MCF2L: variants seen among roughly 807,000 people sequenced by gnomAD.
The protein encoded by MCF2L is MCF.2 cell line derived transforming sequence like, also known as guanine nucleotide exchange factor DBS.
MCF2L carries 97 observed loss-of-function variants against 153.4 expected under a neutral mutation model. The ratio of observed to expected loss-of-function variants is 0.63; its 90% confidence interval spans 0.54 to 0.75. MCF2L has a LOEUF of 0.75. Ranked by LOEUF, MCF2L falls within the 30% of genes least tolerant of loss-of-function variation. The pLI, the probability that MCF2L is intolerant of heterozygous loss-of-function variation, is 0.00. For synonymous variants in MCF2L, 659 were observed against 632.2 expected (o/e 1.04, Z -0.64); for missense variants, 1,347 against 1,495.2 (o/e 0.90, Z 1.64).
At chr13:112,954,072 G>A (rs1395341120) in intron 2 of MCF2L, among the ~76,000 whole-genome samples, 3 of 152,212 alleles carry the variant, frequency 2.0e-5, no homozygotes, top group African/African-American at 7.2e-5. Context: ...GCCTGATGTT[G>A]CGAAGTGAGG....
chr13:113,053,373 GC>G lies in MCF2L; in HGVS notation c.370-7219del, dbSNP rs758317495. On this transcript the variant is annotated intron_variant, in intron 4 of 29. Transcript: ENST00000535094. The surrounding 1 kb of genome is among the most constrained non-coding windows in gnomAD (Gnocchi z 4.4). The stretch of plus-strand genomic sequence containing the variant: ...GATTTGCGAAGGGTTGAAGCCAGTT[GC>G]TTTATGGAATATCCTTTCATCTGGT... 2.0e-5 allele frequency among the ~76,000 whole-genome samples: 3 copies of G among 152,218 alleles called. No individual in the cohort carries two copies. Among genetic ancestry groups the G allele is most frequent in the Non-Finnish European group, 4.4e-5 (3 of 68,038 alleles).
At chr13:112,902,335 G>T in exon 2 of MCF2L, 1 of 1,612,900 alleles carries the variant, frequency 6.2e-7, no homozygotes, top group Non-Finnish European at 8.5e-7. Context: ...CATCAGGCTT[G>T]TTCAAGACAC....
chr13:112,939,657 AG>A (rs2081555453), intron 2 of MCF2L, among the ~76,000 whole-genome samples: 1 of 152,150 alleles, frequency 6.6e-6, no homozygotes, highest in African/African-American at 2.4e-5. Flanking sequence ...TGTGCAGCAG[AG>A]GGAGAGACAC....
intron 18 of MCF2L, 48 bp from the exon 19 acceptor site, chr13:113,084,844 C>T (rs1000701589): frequency 9.8e-6 from 14 of 1,427,864 alleles, no homozygotes; most frequent in Admixed American, 1.7e-5. Context: ...CCGCGTGATG[C>T]GCTGCCCATC....
Position 113,046,049 on chromosome 13 carries a change from C to T in MCF2L, c.369+688C>T, listed in dbSNP as rs150987792. On this transcript the variant is annotated intron_variant, in intron 4 of 29. Coordinates refer to ENST00000535094, the MANE Select transcript of MCF2L (RefSeq NM_001112732.3). This position sits in a 1 kb window ranked among gnomAD's most constrained non-coding sequence, Gnocchi z 4.4. ...GTCTGTTTGCAGATTCTGCACGCTG[C>T]CTTCCATAGCAGAAGGGGAGCTGGG... 4.3e-3 allele frequency: 664 copies of T among 156,022 alleles called. 3 individuals are homozygous for T. The highest frequency in any genetic ancestry group is 0.015 in the African/African-American group (639 of 41,566). 9.7% of individuals were successfully genotyped at this position (156,022 alleles called of 1,614,324 possible). A position where few individuals can be genotyped will look rare whatever the true frequency, so the allele number is the denominator to read the frequency against.
chr13:112,936,244 CACTCCAGCCTGGGCAACAGAGTGAG>C (rs1361828947), intron 2 of MCF2L, among the ~76,000 whole-genome samples: 1 of 139,214 alleles, frequency 7.2e-6, no homozygotes, highest in African/African-American at 2.7e-5. Context: ...CGTGCCACTG[CACTCCAGCCTGGGCAACAGAGTGAG>C]ACTCTGTCTC....
intron 27 of MCF2L, 121 bp downstream of exon 27, chr13:113,094,756 G>T: frequency 7.7e-7 from 1 of 1,307,016 alleles, no homozygotes. Context: ...TCCTAACCCT[G>T]GAAGGTCCAC....
chr13:113,034,837 G>T (rs1297877696), intron 3 of MCF2L, among the ~76,000 whole-genome samples: 1 of 152,168 alleles, frequency 6.6e-6, no homozygotes, highest in African/African-American at 2.4e-5. Context: ...GAGGTTAGGG[G>T]CTGCTGTGGC....
intron 5 of MCF2L, among the ~76,000 whole-genome samples, chr13:113,063,343 C>G (rs937760213): frequency 9.3e-5 from 14 of 151,022 alleles, no homozygotes; most frequent in African/African-American, 3.2e-4. Context: ...TGTCCAGACA[C>G]CCCTGCCTGC....
Position 113,065,024 on chromosome 13 carries a change from A to T in MCF2L, c.695A>T (p.Asn232Ile). 6.2e-7 allele frequency: 1 copy of T among 1,612,310 alleles called. No homozygotes were observed. The highest frequency in any genetic ancestry group is 1.7e-5 in the Admixed American group (1 of 59,972). The change falls in exon 7 of 30, where the codon AAT becomes ATT. Residue 232 changes from asparagine to isoleucine, a missense_variant. This residue lies in a region of MCF2L where 820 missense variants were observed against 921.2 expected (regional missense o/e 0.89). Transcript: ENST00000535094. ...GAGCTGGCTGAAACAGAGCTGCCCA[A>T]TGACGTCCAGTCGACAAGCTCAGTG... Reference protein sequence around the residue: ...GTELAETELPNDVQSTSSVLC... With the variant: ...GTELAETELPIDVQSTSSVLC...
intron 4 of MCF2L, among the ~76,000 whole-genome samples, chr13:113,059,011 TGG>T (rs879901479): frequency 0.015 from 1,387 of 95,356 alleles, 11 homozygotes; most frequent in Admixed American, 0.024. Context: ...GGGTGCTGAG[TGG>T]GTGCTGAGTG....
At chr13:112,944,037 C>G (rs1186729336) in intron 2 of MCF2L, among the ~76,000 whole-genome samples, 3 of 121,016 alleles carry the variant, frequency 2.5e-5, no homozygotes, top group African/African-American at 1.1e-4. Context: ...GATCCTAGGC[C>G]GTGAGGGGAG....
intron 4 of MCF2L, among the ~76,000 whole-genome samples, chr13:113,056,311 G>A (rs1196534859): frequency 1.3e-5 from 2 of 151,302 alleles, no homozygotes; most frequent in Non-Finnish European, 3.0e-5. Flanking sequence ...TGGGTGCTGT[G>A]TGTTTGGGTG....
chr13:112,969,202 C>G (rs964679627), upstream of MCF2L: 8 of 1,098,044 alleles, frequency 7.3e-6, no homozygotes, highest in South Asian at 1.4e-4. The surrounding 1 kb of genome is among the most constrained non-coding windows in gnomAD (Gnocchi z 4.8). Flanking sequence ...CGCGCGCCCC[C>G]CTCCCGGTGG....
intron 2 of MCF2L, among the ~76,000 whole-genome samples, chr13:113,021,582 G>A (rs893046441): frequency 3.9e-5 from 6 of 152,188 alleles, no homozygotes; most frequent in Non-Finnish European, 8.8e-5. Flanking sequence ...CCTCTGCGGC[G>A]TTCAGTCCGC....
intron 2 of MCF2L, among the ~76,000 whole-genome samples, chr13:113,018,835 G>A (rs2084699738): frequency 6.6e-6 from 1 of 152,202 alleles, no homozygotes; most frequent in Admixed American, 6.5e-5. Context: ...CCCTGCAATG[G>A]ACGGCGGCCC....
At chr13:112,938,166 G>T (rs1420798229) in intron 2 of MCF2L, among the ~76,000 whole-genome samples, 1 of 129,656 alleles carries the variant, frequency 7.7e-6, no homozygotes. Flanking sequence ...GAGCGCTGAG[G>T]GGTTGGTTCA....
chr13:112,996,276 C>A (rs2083127663), intron 1 of MCF2L, among the ~76,000 whole-genome samples: 1 of 152,162 alleles, frequency 6.6e-6, no homozygotes, highest in Non-Finnish European at 1.5e-5. Flanking sequence ...GCCGAGATCG[C>A]ATTATTCCAC....
At chr13:112,925,623 C>T (rs528984363) in intron 2 of MCF2L, among the ~76,000 whole-genome samples, 1 of 152,254 alleles carries the variant, frequency 6.6e-6, no homozygotes, top group African/African-American at 2.4e-5. Flanking sequence ...TGGTAGTGGT[C>T]ATAGTATTAA....
Sources: gnomAD v4.1 joint callset for allele counts (sites outside exome capture counted in the v4.1 genomes callset) on GRCh38, gnomAD v4.1.1 for gene constraint, gnomAD v4.1.1 regional missense constraint, Gnocchi (gnomAD v3.1) non-coding constraint, MANE v1.5 for transcripts, NCBI Gene and HGNC (gene_info 2026-07-23, HGNC 2026-07-21) for gene names.